Variants in SRRM4 observed in about 807,000 individuals in gnomAD.
SRRM4 encodes serine/arginine repetitive matrix 4.
SRRM4 carries 33 observed loss-of-function variants against 68.9 expected under a neutral mutation model. The ratio of observed to expected loss-of-function variants is 0.48; its 90% CI spans 0.36 to 0.64. SRRM4 has a LOEUF of 0.64. Ranked by LOEUF, SRRM4 falls within the 30% of genes least tolerant of loss-of-function variation. The pLI, the probability that SRRM4 is intolerant of heterozygous loss-of-function variation, is 0.00. For missense variants in SRRM4, 817 were observed against 827.1 expected (o/e 0.99, Z 0.15); for synonymous variants, 318 against 318.8 (o/e 1.00, Z 0.03).
chr12:119,068,058 G>C (rs1953857144), intron 1 of SRRM4, among the ~76,000 whole-genome samples: 1 of 152,246 alleles, frequency 6.6e-6, no homozygotes, highest in South Asian at 2.1e-4. Flanking sequence ...TCCAAGTGGG[G>C]ACAGAGCCCA....
intron 1 of SRRM4, among the ~76,000 whole-genome samples, chr12:119,088,231 A>G (rs1301700483): frequency 6.6e-6 from 1 of 152,148 alleles, no homozygotes; most frequent in Non-Finnish European, 1.5e-5. Flanking sequence ...GATGACTTCC[A>G]TCCAGAGAAG....
In SRRM4 at chr12:119,018,657, C is replaced by G. The variant is rs576368925; in HGVS notation, c.131+36644C>G. Among the ~76,000 whole-genome samples the G allele has an allele frequency of 8.5e-5, 13 of 152,164 alleles. 1 individual carries two copies. The highest frequency in any genetic ancestry group is 3.1e-4 in the African/African-American group (13 of 41,488). ...AGAGGTAGAGAGAAAAGCATTTGTTCAGATACCTGAAGAAAAAGAACAGGA... is the reference window on the plus strand; with the variant it reads ...AGAGGTAGAGAGAAAAGCATTTGTTGAGATACCTGAAGAAAAAGAACAGGA... On this transcript the variant is annotated intron_variant, in intron 1 of 12. Coordinates refer to ENST00000267260, the MANE Select transcript of SRRM4 (RefSeq NM_194286.4).
chr12:119,122,308 A>AGGAAGGC (rs1565913382), intron 6 of SRRM4, among the ~76,000 whole-genome samples, 188 bp downstream of exon 6: 9 of 129,048 alleles, frequency 7.0e-5, no homozygotes, highest in Admixed American at 4.7e-4. Context: ...GGAAGGAAGG[A>AGGAAGGC]AGGAAGGAAG....
intron 1 of SRRM4, among the ~76,000 whole-genome samples, chr12:119,045,500 A>G (rs1395331432): frequency 1.6e-4 from 2 of 12,826 alleles, no homozygotes; most frequent in African/African-American, 2.7e-4. Context: ...CCCCGCCCCA[A>G]AACACTCACA....
chr12:119,118,642 T>C (rs1236276575), intron 4 of SRRM4, among the ~76,000 whole-genome samples: 5 of 152,248 alleles, frequency 3.3e-5, no homozygotes, highest in African/African-American at 1.2e-4. Flanking sequence ...GTAGAGGCAA[T>C]GGCCCACACT....
chr12:119,150,754 AAAT>A (rs1403838015), intron 9 of SRRM4, among the ~76,000 whole-genome samples: 2 of 152,164 alleles, frequency 1.3e-5, no homozygotes, highest in Non-Finnish European at 2.9e-5. Context: ...TGACATTCTA[AAAT>A]ACTCCACTGT....
chr12:119,105,295 T>C (rs1954100402), intron 2 of SRRM4, among the ~76,000 whole-genome samples: 1 of 152,162 alleles, frequency 6.6e-6, no homozygotes, highest in Non-Finnish European at 1.5e-5. Flanking sequence ...TGCATGTGTC[T>C]TTATAGCAGC....
At chr12:119,025,812 C>T (rs928581570) in intron 1 of SRRM4, among the ~76,000 whole-genome samples, 5 of 151,956 alleles carry the variant, frequency 3.3e-5, no homozygotes, top group African/African-American at 1.2e-4. Context: ...AAGCATCAGA[C>T]CTCCATGAAA....
intron 7 of SRRM4, among the ~76,000 whole-genome samples, chr12:119,126,510 G>A (rs1165393286): frequency 2.0e-5 from 3 of 152,134 alleles, no homozygotes; most frequent in African/African-American, 7.2e-5. Flanking sequence ...ACTTCACTAA[G>A]GGACCACTCT....
At chr12:119,014,644 C>T (rs1410891639) in intron 1 of SRRM4, among the ~76,000 whole-genome samples, 1 of 152,102 alleles carries the variant, frequency 6.6e-6, no homozygotes, top group Admixed American at 6.5e-5. Context: ...ATATGGCCTA[C>T]AGGAACCCTG....
chr12:119,098,273 A>G (rs575238543), intron 1 of SRRM4, among the ~76,000 whole-genome samples: 1 of 152,352 alleles, frequency 6.6e-6, no homozygotes, highest in South Asian at 2.1e-4. Flanking sequence ...ACACAAATCA[A>G]TAAGCTCACT....
chr12:119,083,484 A>G (rs918371545), intron 1 of SRRM4, among the ~76,000 whole-genome samples: 2 of 151,946 alleles, frequency 1.3e-5, no homozygotes, highest in Admixed American at 1.3e-4. Context: ...AGGTGGAACA[A>G]TTCTGAGGTC....
rs966805912 is a variant in SRRM4 at position 119,131,590 on chromosome 12, C to T, written c.771+756C>T. ...GAATTTGACTTCATATAGTTTGACA[C>T]CATGAGCAAGAGACTTAGAAATGGA... On this transcript the variant is annotated intron_variant, in intron 8 of 12. Transcript: ENST00000267260. Among the ~76,000 whole-genome samples, 5 of 152,208 alleles carry T rather than the reference C, an allele frequency of 3.3e-5. 1 individual carries two copies. The highest frequency in any genetic ancestry group is 2.6e-4 in the Admixed American group (4 of 15,284).
intron 1 of SRRM4, among the ~76,000 whole-genome samples, chr12:119,088,558 A>T (rs552163968): frequency 4.3e-4 from 65 of 152,276 alleles, no homozygotes; most frequent in Non-Finnish European, 7.6e-4. Context: ...AAATGAGAAA[A>T]CCGAGGCTTA....
At chr12:119,028,307 A>G (rs1358260574) in intron 1 of SRRM4, among the ~76,000 whole-genome samples, 1 of 152,060 alleles carries the variant, frequency 6.6e-6, no homozygotes, top group Non-Finnish European at 1.5e-5. Context: ...CCCAAATCTC[A>G]TCTTGAATTG....
intron 1 of SRRM4, among the ~76,000 whole-genome samples, chr12:119,061,417 G>A (rs1167803533): frequency 6.6e-6 from 1 of 152,162 alleles, no homozygotes; most frequent in Admixed American, 6.5e-5. Context: ...ACCAGGGACA[G>A]CGACCACTGA....
intron 1 of SRRM4, among the ~76,000 whole-genome samples, chr12:119,036,622 G>T (rs1953628979): frequency 6.6e-6 from 1 of 152,208 alleles, no homozygotes; most frequent in Non-Finnish European, 1.5e-5. Context: ...ACCAGTGGAA[G>T]GAAATGGATG....
At chr12:119,116,604 C>T (rs1012519703) in intron 3 of SRRM4, among the ~76,000 whole-genome samples, 1 of 152,118 alleles carries the variant, frequency 6.6e-6, no homozygotes, top group African/African-American at 2.4e-5. Context: ...CTTCACCTCT[C>T]TGAACTTCAT....
intron 9 of SRRM4, 70 bp from the exon 10 acceptor site, chr12:119,150,947 G>A: frequency 7.0e-7 from 1 of 1,436,250 alleles, no homozygotes; most frequent in East Asian, 2.4e-5. Flanking sequence ...GCCAAGGTAG[G>A]GAGGTATTCA....
Sources: gnomAD v4.1 joint callset for allele counts (sites outside exome capture counted in the v4.1 genomes callset) on GRCh38, gnomAD v4.1.1 for gene constraint, MANE v1.5 for transcripts, NCBI Gene and HGNC (gene_info 2026-07-23, HGNC 2026-07-21) for gene names.